The following B9D1 variants were observed in gnomAD, a reference collection of about 807,000 sequenced individuals.
B9D1 encodes B9 domain containing 1.
Under a neutral mutation model 26.1 loss-of-function variants are expected in B9D1, and 20 were observed. The observed-to-expected ratio is 0.77, with a 90% CI of 0.54 to 1.12. B9D1 has a LOEUF of 1.12. B9D1 is among the 50% of genes most tolerant of loss of function. The pLI, the probability that B9D1 is intolerant of heterozygous loss-of-function variation, is 0.00. For missense variants in B9D1, 260 were observed against 273.7 expected (o/e 0.95, Z 0.35); for synonymous variants, 105 against 103.1 (o/e 1.02, Z -0.11).
At position 19,370,776 on chromosome 17, in the gene B9D1, G is replaced by A. The variant is rs747961573; in HGVS notation, c.-298+7083C>T. The stretch of plus-strand genomic sequence containing the variant: ...CCATGGGCAGCCACTTCCCAGATGC[G>A]GCTTCCTGCCCTTTCCTCCACCAAA... On this transcript the variant is annotated intron_variant, in intron 1 of 5. Coordinates refer to the B9D1 transcript ENST00000477478. The surrounding 1 kb of genome is among the most constrained non-coding windows in gnomAD (Gnocchi z 5.1). 5.3e-5 allele frequency among the ~76,000 whole-genome samples: 8 copies of A among 152,198 alleles called. No homozygotes were observed. The highest frequency in any genetic ancestry group is 7.3e-5 in the Non-Finnish European group (5 of 68,034).
intron 1 of B9D1, among the ~76,000 whole-genome samples, chr17:19,360,980 G>A (rs1191217952): frequency 6.6e-6 from 1 of 152,142 alleles, no homozygotes; most frequent in African/African-American, 2.4e-5. Flanking sequence ...GCTCCCCATT[G>A]CTCGCATGAC....
Position 19,362,716 on chromosome 17 carries a change from T to G in B9D1, c.-147A>C. The G allele has an allele frequency of 9.8e-6, 14 of 1,421,478 alleles. No homozygotes were observed. The highest frequency in any genetic ancestry group is 6.4e-5 in the East Asian group (2 of 31,130). 88.1% of individuals were successfully genotyped at this position (1,421,478 alleles called of 1,614,324 possible). On this transcript the variant is annotated 5_prime_UTR_variant, in exon 1 of 7. Transcript: ENST00000261499. ...CGCGAAGGCCACGCGAGTGCGCGTG[T>G]GGCATGCGCAGGCGCAGTGAACGGG...
chr17:19,338,738 G>A (rs535271551), downstream of B9D1, among the ~76,000 whole-genome samples: 20 of 152,300 alleles, frequency 1.3e-4, no homozygotes, highest in South Asian at 4.1e-3. Context: ...GAACGGAGGT[G>A]TTCTGTCAGT....
At chr17:19,374,841 T>C (rs142804229) in intron 1 of B9D1, among the ~76,000 whole-genome samples, 135 of 152,266 alleles carry the variant, frequency 8.9e-4, no homozygotes, top group African/African-American at 3.2e-3. Flanking sequence ...ATCTGAGAAA[T>C]GGAAGTAAAT....
At chr17:19,355,639 C>T (rs1432476388) in intron 3 of B9D1, among the ~76,000 whole-genome samples, 4 of 151,396 alleles carry the variant, frequency 2.6e-5, no homozygotes, top group Non-Finnish European at 5.9e-5. Context: ...ACCATCCTGG[C>T]TAACACGGTG....
chr17:19,362,517 T>G lies in B9D1; in HGVS notation c.53A>C (p.Glu18Ala). The stretch of plus-strand genomic sequence containing the variant: ...TCCACGGCCGCTCACCTGGGCGCTC[T>G]CCACCTGCCCGTTGACCATGAGTAG... ...VFLLMVNGQV[E>A]SAQFPEYDDL... is the part of the protein sequence containing the mutation. The change falls in exon 1 of 7, where the codon GAG becomes GCG. Residue 18 changes from glutamate (E) to alanine (A), a missense_variant. Physicochemically the swap from Glu to Ala is moderately radical, Grantham distance 107. Transcript: ENST00000261499. The G allele has an allele frequency of 6.3e-7, 1 of 1,575,112 alleles. No individual in the cohort carries two copies. The highest frequency in any genetic ancestry group is 8.6e-7 in the Non-Finnish European group (1 of 1,160,560).
chr17:19,370,572 T>C lies in B9D1; in HGVS notation c.-298+7287A>G, dbSNP rs889556777. ...CAGCTGCTGGGCTCTCTTGGGACCA[T>C]AGAGGACTGCAGCACCAATGGTGGA... On this transcript the variant is annotated intron_variant, in intron 1 of 5. Coordinates refer to the B9D1 transcript ENST00000477478. This position sits in a 1 kb window ranked among gnomAD's most constrained non-coding sequence, Gnocchi z 5.1. Among the ~76,000 whole-genome samples the C allele has an allele frequency of 6.6e-5, 10 of 152,282 alleles. No individual in the cohort carries two copies. In the East Asian group the frequency reaches 7.7e-4, roughly 12 times the overall value.
downstream of B9D1, among the ~76,000 whole-genome samples, chr17:19,342,405 G>A (rs896358918): frequency 6.6e-6 from 1 of 152,176 alleles, no homozygotes; most frequent in Non-Finnish European, 1.5e-5. Flanking sequence ...AGGCTGGGAG[G>A]TGGGGGTTTG....
chr17:19,355,753 G>A (rs1318615160), intron 3 of B9D1, among the ~76,000 whole-genome samples: 11 of 152,090 alleles, frequency 7.2e-5, no homozygotes. Flanking sequence ...AGAATGGCAT[G>A]AACCCAGGAG....
chr17:19,366,254 A>AG (rs1212552913), upstream of B9D1, among the ~76,000 whole-genome samples: 1 of 151,304 alleles, frequency 6.6e-6, no homozygotes, highest in Non-Finnish European at 1.5e-5. Flanking sequence ...AGCACCTTCA[A>AG]GGGGTGGGGA....
At chr17:19,355,514 ACT>A (rs933873503) in intron 3 of B9D1, among the ~76,000 whole-genome samples, 1 of 139,304 alleles carries the variant, frequency 7.2e-6, no homozygotes, top group African/African-American at 2.6e-5. Context: ...ACAGAGCAAG[ACT>A]CTGTCTGCAA....
At chr17:19,353,741 G>A (rs1299723525) in intron 3 of B9D1, among the ~76,000 whole-genome samples, 1 of 152,158 alleles carries the variant, frequency 6.6e-6, no homozygotes, top group African/African-American at 2.4e-5. Context: ...AGGAGTTCGA[G>A]ACCAGCATGA....
intron 5 of B9D1, 78 bp from the exon 6 acceptor site, chr17:19,343,935 C>G (rs1002527511): frequency 6.3e-7 from 1 of 1,598,244 alleles, no homozygotes; most frequent in African/African-American, 1.3e-5. Context: ...GATGTGGGCT[C>G]TCCTCGGTTC....
downstream of B9D1, among the ~76,000 whole-genome samples, chr17:19,342,298 A>C (rs534145008): frequency 1.3e-5 from 2 of 152,198 alleles, no homozygotes; most frequent in South Asian, 4.1e-4. Context: ...AGTTGGGGGG[A>C]GGGCACGGGA....
intron 2 of B9D1, among the ~76,000 whole-genome samples, chr17:19,358,714 G>GC (rs1437722638): frequency 3.9e-5 from 6 of 152,152 alleles, no homozygotes; most frequent in Admixed American, 1.3e-4. Context: ...TCCTAAGGCT[G>GC]CATCTTTGGC....
At position 19,350,987 on chromosome 17, in the gene B9D1, C is replaced by T. The variant is rs189706879; in HGVS notation, c.245-3107G>A. 3.3e-3 allele frequency among the ~76,000 whole-genome samples: 499 copies of T among 152,048 alleles called. 1 individual carries two copies. The highest frequency in any genetic ancestry group is 5.0e-3 in the Non-Finnish European group (340 of 67,980). On this transcript the variant is annotated intron_variant, in intron 3 of 6. Transcript: ENST00000261499. ...CCAAGTAGCTGGGATCACAGGCGTG[C>T]GCCACCAAACCCGGCTAATTTTTGT...
intron 1 of B9D1, among the ~76,000 whole-genome samples, chr17:19,369,348 C>A (rs1416407067): frequency 1.3e-5 from 2 of 152,176 alleles, no homozygotes; most frequent in Non-Finnish European, 2.9e-5. Flanking sequence ...CTTCCCAGGG[C>A]CGCGTTCGGT....
At position 19,359,252 on chromosome 17, in the gene B9D1, C is replaced by T. The variant is rs1037998712; in HGVS notation, c.132+1068G>A. ...AGTTCTCCAGTGGGATCCCATCTCCCTTTGAGTAAAGGTCACAGTCCTTAC... is the reference window on the plus strand; with the variant it reads ...AGTTCTCCAGTGGGATCCCATCTCCTTTTGAGTAAAGGTCACAGTCCTTAC... On this transcript the variant is annotated intron_variant, in intron 2 of 6. Coordinates refer to ENST00000261499, the MANE Select transcript of B9D1 (RefSeq NM_015681.6). This position sits in a 1 kb window ranked among gnomAD's most constrained non-coding sequence, Gnocchi z 5.0. Among the ~76,000 whole-genome samples the T allele has an allele frequency of 6.6e-6, 1 of 152,222 alleles. No homozygotes were observed. Among genetic ancestry groups the T allele is most frequent in the Non-Finnish European group, 1.5e-5 (1 of 68,046 alleles).
intron 1 of B9D1, among the ~76,000 whole-genome samples, chr17:19,360,931 A>G (rs1910975839): frequency 6.6e-6 from 1 of 152,176 alleles, no homozygotes; most frequent in Admixed American, 6.5e-5. Flanking sequence ...AGAGGTGAGG[A>G]GCAGGCGAGC....
Sources: gnomAD v4.1 joint callset for allele counts (sites outside exome capture counted in the v4.1 genomes callset) on GRCh38, gnomAD v4.1.1 for gene constraint, Gnocchi (gnomAD v3.1) non-coding constraint, MANE v1.5 for transcripts, NCBI Gene and HGNC (gene_info 2026-07-23, HGNC 2026-07-21) for gene names.